CCDC178: variants seen among roughly 807,000 people sequenced by gnomAD.
CCDC178 encodes coiled-coil domain-containing protein 178.
Under a neutral mutation model 117.4 loss-of-function variants are expected in CCDC178, and 126 were observed. The observed-to-expected ratio is 1.07, with a 90% CI of 0.93 to 1.24. The LOEUF (loss-of-function observed/expected upper bound fraction) is 1.24. Ranked by LOEUF, CCDC178 falls within the 50% of genes most tolerant of loss-of-function variation. CCDC178 has a pLI of 0.00. For synonymous variants in CCDC178, 283 were observed against 313.4 expected, an observed-to-expected ratio of 0.90 and a Z score of 1.02; for missense variants, 1,030 against 986.9, an observed-to-expected ratio of 1.04 and a Z score of -0.59.
intron 14 of CCDC178, among the ~76,000 whole-genome samples, chr18:33,265,777 A>G (rs749551032): frequency 2.0e-5 from 3 of 152,030 alleles, no homozygotes; most frequent in Non-Finnish European, 4.4e-5. Flanking sequence ...GATAAATAAG[A>G]ACATGCCTAT....
intron 7 of CCDC178, among the ~76,000 whole-genome samples, chr18:33,350,129 T>C (rs912802192): frequency 6.6e-6 from 1 of 152,048 alleles, no homozygotes. Flanking sequence ...TGTCCCAGCA[T>C]CAACTATTAA....
intron 20 of CCDC178, among the ~76,000 whole-genome samples, chr18:33,119,200 A>C (rs1200189650): frequency 1.3e-5 from 2 of 152,194 alleles, no homozygotes; most frequent in Non-Finnish European, 2.9e-5. Flanking sequence ...GATCTAATTA[A>C]ACTAAAGAGC....
chr18:32,963,941 G>A (rs2054758563), intron 22 of CCDC178, among the ~76,000 whole-genome samples: 2 of 151,984 alleles, frequency 1.3e-5, no homozygotes, highest in Admixed American at 6.6e-5. Flanking sequence ...AACATGATGT[G>A]TATTGTATAC....
intron 2 of CCDC178, among the ~76,000 whole-genome samples, chr18:33,427,018 T>C (rs1424285935): frequency 6.6e-6 from 1 of 152,154 alleles, no homozygotes; most frequent in Admixed American, 6.5e-5. Context: ...AATCCTGCCT[T>C]AAACATAGAA....
At chr18:33,393,377 C>A (rs1366464058) in intron 4 of CCDC178, among the ~76,000 whole-genome samples, 1 of 151,990 alleles carries the variant, frequency 6.6e-6, no homozygotes, top group African/African-American at 2.4e-5. Flanking sequence ...TATTTTATAG[C>A]ATACATGGAA....
chr18:32,980,682 G>A (rs1369135251), intron 21 of CCDC178, among the ~76,000 whole-genome samples: 1 of 151,124 alleles, frequency 6.6e-6, no homozygotes, highest in Non-Finnish European at 1.5e-5. Flanking sequence ...TAAAAGGAAA[G>A]CTATTTGGCC....
chr18:33,019,090 C>T (rs1480705725), intron 21 of CCDC178, among the ~76,000 whole-genome samples: 2 of 152,126 alleles, frequency 1.3e-5, no homozygotes, highest in Admixed American at 6.6e-5. Context: ...CTTTAATTAT[C>T]TACCTTCTCA....
chr18:33,141,444 G>C (rs905200061), intron 20 of CCDC178, among the ~76,000 whole-genome samples: 2 of 152,144 alleles, frequency 1.3e-5, no homozygotes, highest in African/African-American at 4.8e-5. Context: ...CAGAAGAGCT[G>C]GCTGGGGAGA....
At chr18:33,105,149 A>G (rs866184645) in intron 20 of CCDC178, among the ~76,000 whole-genome samples, 6 of 151,810 alleles carry the variant, frequency 4.0e-5, no homozygotes, top group Non-Finnish European at 7.4e-5. Flanking sequence ...TTCTTAATTA[A>G]TTGATACTAA....
chr18:33,077,465 T>G (rs529215170), intron 21 of CCDC178, among the ~76,000 whole-genome samples: 1 of 152,074 alleles, frequency 6.6e-6, no homozygotes, highest in Non-Finnish European at 1.5e-5. Flanking sequence ...CCAATATGAC[T>G]GATATCTTTA....
chr18:33,287,184 G>C (rs935798235), intron 12 of CCDC178, among the ~76,000 whole-genome samples: 1 of 152,020 alleles, frequency 6.6e-6, no homozygotes, highest in Non-Finnish European at 1.5e-5. Flanking sequence ...ATCATTTTAA[G>C]TTGTATGTGC....
chr18:32,977,094 G>T (rs1458825868), intron 21 of CCDC178, among the ~76,000 whole-genome samples: 2 of 152,068 alleles, frequency 1.3e-5, no homozygotes, highest in Non-Finnish European at 2.9e-5. Flanking sequence ...AAACAACACA[G>T]TTCATAGGTT....
At chr18:32,974,455 G>T in intron 22 of CCDC178, 92 bp downstream of exon 22, 1 of 1,193,880 alleles carries the variant, frequency 8.4e-7, no homozygotes. Flanking sequence ...AAACTCTGAT[G>T]GGATATGGTT....
At chr18:33,126,986 T>TAAAAAAA (rs1225815316) in intron 20 of CCDC178, among the ~76,000 whole-genome samples, 9 of 136,128 alleles carry the variant, frequency 6.6e-5, no homozygotes, top group African/African-American at 2.6e-4. Context: ...TGCATTTGGT[T>TAAAAAAA]AAAAAAAAAA....
chr18:33,353,223 C>A (rs960756307), intron 7 of CCDC178, among the ~76,000 whole-genome samples: 8 of 151,918 alleles, frequency 5.3e-5, no homozygotes, highest in African/African-American at 1.9e-4. Context: ...ATAGTCACTC[C>A]AGCTCTCTTT....
intron 21 of CCDC178, among the ~76,000 whole-genome samples, chr18:33,061,793 T>G (rs1162618732): frequency 6.6e-6 from 1 of 152,158 alleles, no homozygotes; most frequent in Non-Finnish European, 1.5e-5. Context: ...TGATGTGTTT[T>G]TTTTCAGCAG....
intron 21 of CCDC178, among the ~76,000 whole-genome samples, chr18:33,091,969 G>GT (rs1465056890): frequency 3.9e-5 from 6 of 152,042 alleles, no homozygotes; most frequent in South Asian, 2.1e-4. Flanking sequence ...CATAATAGCC[G>GT]TAAGTATAGC....
At chr18:33,267,388 T>C (rs1275339184) in intron 12 of CCDC178, 91 bp from the exon 13 acceptor site, 2 of 701,304 alleles carry the variant, frequency 2.9e-6, no homozygotes, top group Non-Finnish European at 4.5e-6. Context: ...TAAAGTAGAA[T>C]TTGTTTCAGT....
intron 9 of CCDC178, among the ~76,000 whole-genome samples, chr18:33,333,669 T>A (rs1290161384): frequency 2.0e-5 from 3 of 151,942 alleles, no homozygotes; most frequent in African/African-American, 7.2e-5. Flanking sequence ...TGTGCCACCA[T>A]GTCTGGCTAA....
Sources: allele counts gnomAD v4.1 joint callset (sites outside exome capture counted in the v4.1 genomes callset), GRCh38; gene constraint gnomAD v4.1.1; transcripts MANE v1.5; gene names NCBI Gene and HGNC (gene_info 2026-07-23, HGNC 2026-07-21).